Variants in GLIS3 observed in about 807,000 individuals in gnomAD.
The protein encoded by GLIS3 is zinc finger protein GLIS3.
GLIS3 carries 53 observed loss-of-function variants against 78.6 expected under a neutral mutation model. That is an observed-to-expected ratio of 0.67 (90% CI 0.54 to 0.85). The LOEUF (loss-of-function observed/expected upper bound fraction) is 0.85, where lower values mean the gene tolerates loss of function less well. Among genes scored for constraint, GLIS3 ranks in the 40% least tolerant of loss-of-function variants. The pLI is 0.00. For missense variants in GLIS3, 1,703 were observed against 1,231.1 expected (o/e 1.38, Z -5.74); for synonymous variants, 684 against 509.9 (o/e 1.34, Z -4.60).
the GLIS3 span, among the ~76,000 whole-genome samples, chr9:4,487,361 C>T: frequency 2.0e-5 from 3 of 152,188 alleles, no homozygotes; most frequent in East Asian, 5.8e-4. Flanking sequence ...CTAAGCCTTT[C>T]ACACAGATTA....
chr9:3,847,175 C>T (rs1819102957), intron 9 of GLIS3, among the ~76,000 whole-genome samples: 1 of 151,666 alleles, frequency 6.6e-6, no homozygotes, highest in Non-Finnish European at 1.5e-5. Flanking sequence ...CAGAATGAGA[C>T]TCTGTTTCAG....
At chr9:4,248,267 T>A (rs1420225709) in intron 2 of GLIS3, among the ~76,000 whole-genome samples, 3 of 151,910 alleles carry the variant, frequency 2.0e-5, no homozygotes, top group Non-Finnish European at 4.4e-5. Context: ...GGCTCCAGTG[T>A]GTGATGTTCC....
the GLIS3 span, among the ~76,000 whole-genome samples, chr9:4,391,569 G>A: frequency 1.3e-5 from 2 of 151,884 alleles, no homozygotes; most frequent in East Asian, 1.9e-4. Context: ...GTGTGTGTGT[G>A]TGTGTGTGTT....
the GLIS3 span, among the ~76,000 whole-genome samples, chr9:4,489,529 G>A: frequency 6.6e-6 from 1 of 152,326 alleles, no homozygotes; most frequent in African/African-American, 2.4e-5. Flanking sequence ...TAAAGGGAGG[G>A]AAAGAGATTG....
the GLIS3 span, among the ~76,000 whole-genome samples, chr9:4,439,442 C>A: frequency 6.6e-6 from 1 of 152,176 alleles, no homozygotes; most frequent in East Asian, 1.9e-4. Context: ...TCCCCAGTAC[C>A]TCCTGGCCAC....
At chr9:3,889,219 T>C (rs1287054079) in intron 7 of GLIS3, among the ~76,000 whole-genome samples, 1 of 152,154 alleles carries the variant, frequency 6.6e-6, no homozygotes, top group African/African-American at 2.4e-5. Context: ...TCTTCCTAAG[T>C]GAGAGCCACG....
intron 4 of GLIS3, 76 bp downstream of exon 4, chr9:4,117,692 A>G: frequency 6.4e-7 from 1 of 1,565,710 alleles, no homozygotes; most frequent in South Asian, 1.1e-5. Flanking sequence ...CCATGGGCCG[A>G]GTTAGGAAAA....
chr9:4,385,900 T>C, the GLIS3 span, among the ~76,000 whole-genome samples: 37 of 152,152 alleles, frequency 2.4e-4, no homozygotes, highest in African/African-American at 8.9e-4. Context: ...CCGAAAGAGA[T>C]TCTAATCTCC....
the GLIS3 span, among the ~76,000 whole-genome samples, chr9:4,413,230 C>A: frequency 2.0e-5 from 3 of 152,132 alleles, no homozygotes; most frequent in African/African-American, 7.2e-5. Flanking sequence ...ACCACAATCC[C>A]AAATCAGGGT....
In GLIS3 at chr9:3,990,535, G is replaced by C. The variant is rs180935022; in HGVS notation, c.1711-53346C>G. Reference sequence around the variant, plus strand: ...GCAATTTAATCTGTGGCATGCGAAAGAAGTTCCCATTAAGTAGGAGTTTAC... The same window carrying C: ...GCAATTTAATCTGTGGCATGCGAAACAAGTTCCCATTAAGTAGGAGTTTAC... On this transcript the variant is annotated intron_variant, in intron 4 of 10. Coordinates refer to ENST00000381971, the MANE Select transcript of GLIS3 (RefSeq NM_001042413.2). 2.4e-4 allele frequency among the ~76,000 whole-genome samples: 36 copies of C among 152,330 alleles called. No individual in the cohort carries two copies. The East Asian group carries it at 6.4e-3, about 27-fold the overall frequency.
chr9:4,308,926 A>G (rs1216184049), exon 4 of GLIS3: 1 of 152,240 alleles, frequency 6.6e-6, no homozygotes. Flanking sequence ...TAGCTGAGCA[A>G]CTTTAGGGTA....
chr9:4,380,858 G>T, the GLIS3 span, among the ~76,000 whole-genome samples: 1 of 152,196 alleles, frequency 6.6e-6, no homozygotes, highest in African/African-American at 2.4e-5. Context: ...AGGACTCCCT[G>T]CAATGTCTTA....
the GLIS3 span, among the ~76,000 whole-genome samples, chr9:4,389,676 A>T: frequency 6.6e-6 from 1 of 152,230 alleles, no homozygotes; most frequent in South Asian, 2.1e-4. Context: ...ACGTCAAGCC[A>T]GAAAGCCATA....
chr9:4,262,512 G>C (rs1335180057), intron 2 of GLIS3, among the ~76,000 whole-genome samples: 2 of 152,022 alleles, frequency 1.3e-5, no homozygotes, highest in Admixed American at 1.3e-4. Flanking sequence ...TATACTTCTA[G>C]GCAGAGAGGA....
At chr9:3,868,009 G>T (rs976079199) in intron 8 of GLIS3, among the ~76,000 whole-genome samples, 1 of 151,654 alleles carries the variant, frequency 6.6e-6, no homozygotes, top group African/African-American at 2.4e-5. Flanking sequence ...GGATGACATG[G>T]ATGTCAACAT....
intron 2 of GLIS3, among the ~76,000 whole-genome samples, chr9:4,248,110 TTAAG>T (rs1297154830): frequency 6.6e-6 from 1 of 152,192 alleles, no homozygotes; most frequent in African/African-American, 2.4e-5. Flanking sequence ...TTATTATACT[TTAAG>T]TTCTGGGATG....
intron 4 of GLIS3, among the ~76,000 whole-genome samples, chr9:3,981,535 G>A (rs1819287315): frequency 6.6e-6 from 1 of 152,132 alleles, no homozygotes; most frequent in African/African-American, 2.4e-5. Flanking sequence ...CCTCCTAGGT[G>A]GCTCTGATGC....
At chr9:4,475,860 G>A in the GLIS3 span, among the ~76,000 whole-genome samples, 1 of 152,162 alleles carries the variant, frequency 6.6e-6, no homozygotes, top group Non-Finnish European at 1.5e-5. Flanking sequence ...GAAGAAGAGA[G>A]TCGTTGGATA....
At chr9:4,328,190 G>A (rs1191816613) in intron 2 of GLIS3, among the ~76,000 whole-genome samples, 2 of 152,138 alleles carry the variant, frequency 1.3e-5, no homozygotes, top group Non-Finnish European at 2.9e-5. Context: ...CCCAAGACCC[G>A]AGACTGACTA....
Sources: allele counts gnomAD v4.1 joint callset (sites outside exome capture counted in the v4.1 genomes callset), GRCh38; gene constraint gnomAD v4.1.1; transcripts MANE v1.5; gene names NCBI Gene and HGNC (gene_info 2026-07-23, HGNC 2026-07-21).